SHCBP1: variants seen among roughly 807,000 people sequenced by gnomAD.
SHCBP1 encodes the protein SHC binding and spindle associated 1, also known as SHC SH2 domain-binding protein 1.
Under a neutral mutation model 75.1 loss-of-function variants are expected in SHCBP1, and 60 were observed. The ratio of observed to expected loss-of-function variants is 0.80; its 90% CI spans 0.65 to 0.99. The LOEUF is 0.99. SHCBP1 is among the 50% of genes least tolerant of loss of function. SHCBP1 has a pLI of 0.00. For synonymous variants in SHCBP1, 290 were observed against 293.2 expected (o/e 0.99, Z 0.11); for missense variants, 709 against 809.4 (o/e 0.88, Z 1.50).
intron 10 of SHCBP1, among the ~76,000 whole-genome samples, chr16:46,587,170 A>AAGG (rs1411252887): frequency 2.6e-5 from 4 of 152,182 alleles, no homozygotes; most frequent in African/African-American, 4.8e-5. Context: ...CAATTATAAA[A>AAGG]AGGAGATGGT....
At chr16:46,597,068 G>C (rs1965156019) in intron 9 of SHCBP1, among the ~76,000 whole-genome samples, 1 of 152,134 alleles carries the variant, frequency 6.6e-6, no homozygotes, top group Non-Finnish European at 1.5e-5. Context: ...ATACTCCAGA[G>C]ATATTGCAGG....
At chr16:46,615,361 C>A (rs1366851823) in intron 4 of SHCBP1, among the ~76,000 whole-genome samples, 1 of 152,034 alleles carries the variant, frequency 6.6e-6, no homozygotes, top group Non-Finnish European at 1.5e-5. Flanking sequence ...AGATAGGCAC[C>A]CCTAACCCCC....
In SHCBP1 at chr16:46,584,080, T is replaced by C. The variant is rs765522953; in HGVS notation, c.1474A>G (p.Ile492Val). ...CACTGACTCCCAGGGTAGATTTCTA[T>C]ACCAGCACCCTGTGAGTCACAGTTT... ...SDLYGAKGAG[I>V]EIYPGSQCTL... The change falls in exon 11 of 13, where the codon ATA becomes GTA. Residue 492 changes from isoleucine (I) to valine (V), a missense_variant. Coordinates refer to ENST00000303383, the MANE Select transcript of SHCBP1 (RefSeq NM_024745.5). 12 of 1,596,902 alleles carry C rather than the reference T, an allele frequency of 7.5e-6. No homozygotes were observed. In the South Asian group the frequency reaches 1.1e-4, roughly 15 times the overall value.
At chr16:46,621,122 C>T in intron 1 of SHCBP1, 135 bp downstream of exon 1, 1 of 737,936 alleles carries the variant, frequency 1.4e-6, no homozygotes, top group Non-Finnish European at 2.1e-6. Flanking sequence ...CACTGGGTCC[C>T]GGCCGCGCAC....
chr16:46,592,159 T>G (rs1171136722), intron 10 of SHCBP1, among the ~76,000 whole-genome samples: 1 of 151,162 alleles, frequency 6.6e-6, no homozygotes, highest in African/African-American at 2.4e-5. Context: ...TAAGTGAAAT[T>G]GAAAACAGAA....
In SHCBP1 at chr16:46,580,143, AT is replaced by A. The variant is rs558338612; in HGVS notation, c.*1585del. Among the ~76,000 whole-genome samples the A allele has an allele frequency of 4.7e-5, 7 of 149,932 alleles. No individual in the cohort carries two copies. Among genetic ancestry groups the A allele is most frequent in the South Asian group, 2.1e-4 (1 of 4,720 alleles). ...CCATCTCAAAAAAAAAAAAAAAGTG[AT>A]TTTTTTTTAAGTTGAATAAATGGTT... On this transcript the variant is annotated 3_prime_UTR_variant, in exon 13 of 13. Transcript: ENST00000303383.
intron 8 of SHCBP1, among the ~76,000 whole-genome samples, chr16:46,602,158 C>G (rs768269601): frequency 6.6e-6 from 1 of 152,166 alleles, no homozygotes; most frequent in Non-Finnish European, 1.5e-5. Flanking sequence ...AGGAAGAACT[C>G]TTATCTACCA....
chr16:46,608,373 T>C lies in SHCBP1; in HGVS notation c.613A>G (p.Ile205Val), dbSNP rs1438905489. Reference protein sequence around the residue: ...IEHVRFFYQNIWRSWDEEEED... With the variant: ...IEHVRFFYQNVWRSWDEEEED... Reference sequence around the variant, plus strand: ...TCTTCTTCATCCCAACTCCTCCAAATGTTTTGGTAGAAAAATCTGAAATGG... The same window carrying C: ...TCTTCTTCATCCCAACTCCTCCAAACGTTTTGGTAGAAAAATCTGAAATGG... Residue 205 changes from isoleucine (I) to valine (V), a missense_variant, in exon 5 of 13, where the codon ATT becomes GTT. Transcript: ENST00000303383. The C allele has an allele frequency of 6.2e-7, 1 of 1,613,338 alleles. No homozygotes were observed. The highest frequency in any genetic ancestry group is 8.5e-7 in the Non-Finnish European group (1 of 1,179,454).
chr16:46,608,246 TG>T, intron 5 of SHCBP1, 50 bp downstream of exon 5: 1 of 1,306,716 alleles, frequency 7.7e-7, no homozygotes, highest in Non-Finnish European at 1.1e-6. Context: ...AATTAAACCA[TG>T]GGTAACTATT....
intron 7 of SHCBP1, 56 bp downstream of exon 7, chr16:46,603,919 C>G: frequency 1.3e-6 from 2 of 1,553,144 alleles, no homozygotes; most frequent in South Asian, 1.2e-5. Context: ...TTTGTGAAAA[C>G]CTGTGGTGAA....
chr16:46,595,986 AG>A (rs1442081633), intron 9 of SHCBP1, among the ~76,000 whole-genome samples: 1 of 152,208 alleles, frequency 6.6e-6, no homozygotes, highest in Non-Finnish European at 1.5e-5. Flanking sequence ...GATTCAAGAA[AG>A]GGGATACAAA....
intron 10 of SHCBP1, among the ~76,000 whole-genome samples, chr16:46,584,720 C>G (rs1396556686): frequency 6.6e-6 from 1 of 152,034 alleles, no homozygotes; most frequent in Non-Finnish European, 1.5e-5. Context: ...CCTTATGGCA[C>G]CAAAAAACAT....
Position 46,604,431 on chromosome 16 carries a change from T to C in SHCBP1, c.720A>G (p.Pro240=), listed in dbSNP as rs1349238129. The C allele has an allele frequency of 1.9e-6, 3 of 1,612,896 alleles. No homozygotes were observed. The highest frequency in any genetic ancestry group is 1.7e-5 in the Admixed American group (1 of 59,974). ...LHYDILEDRV[P]SGLIVDYHNL... ...TGTGGTAGTCAACAATAAGTCCTGA[T>C]GGAACTCGGTCTTCAAGAATGTCAT... The change falls in exon 6 of 13, where the codon CCA becomes CCG. Residue 240 remains proline (P), a synonymous_variant. Coordinates refer to ENST00000303383, the MANE Select transcript of SHCBP1 (RefSeq NM_024745.5).
intron 1 of SHCBP1, among the ~76,000 whole-genome samples, chr16:46,619,121 C>G (rs1281866906): frequency 6.6e-6 from 1 of 152,090 alleles, no homozygotes; most frequent in Non-Finnish European, 1.5e-5. Context: ...ATGACTGTGT[C>G]TAAGGAAAAG....
intron 12 of SHCBP1, among the ~76,000 whole-genome samples, chr16:46,582,615 A>G (rs1283119489): frequency 1.3e-5 from 2 of 152,236 alleles, no homozygotes; most frequent in African/African-American, 4.8e-5. Context: ...CCCAGCAAAC[A>G]GCCAGCAGCC....
chr16:46,579,669 T>A lies in SHCBP1; in HGVS notation c.*2060A>T, dbSNP rs1175676530. Among the ~76,000 whole-genome samples the A allele has an allele frequency of 6.6e-6, 1 of 152,042 alleles. No homozygotes were observed. Among genetic ancestry groups the A allele is most frequent in the Non-Finnish European group, 1.5e-5 (1 of 67,986 alleles). ...ACAAAAAAAAGGCCAGGCACGTGGCTCATGCCTGTAATCCCAGCACTTTGG... is the reference window on the plus strand; with the variant it reads ...ACAAAAAAAAGGCCAGGCACGTGGCACATGCCTGTAATCCCAGCACTTTGG... On this transcript the variant is annotated 3_prime_UTR_variant, in exon 13 of 13. Coordinates refer to ENST00000303383, the MANE Select transcript of SHCBP1 (RefSeq NM_024745.5).
chr16:46,609,750 T>G (rs946608422), intron 4 of SHCBP1, among the ~76,000 whole-genome samples: 5 of 151,998 alleles, frequency 3.3e-5, no homozygotes, highest in Admixed American at 6.5e-5. Flanking sequence ...CCGTGCCCAG[T>G]TGTATCCATA....
chr16:46,594,766 CTG>C (rs1273498073), intron 10 of SHCBP1, among the ~76,000 whole-genome samples: 1 of 151,876 alleles, frequency 6.6e-6, no homozygotes, highest in African/African-American at 2.4e-5. Flanking sequence ...AAAATGAAAA[CTG>C]TGTTCACACA....
chr16:46,591,914 G>A (rs971591906), intron 10 of SHCBP1, among the ~76,000 whole-genome samples: 7 of 151,800 alleles, frequency 4.6e-5, no homozygotes, highest in South Asian at 2.1e-4. Flanking sequence ...ACAAACCAAC[G>A]AATAAAAATA....
Sources: allele counts gnomAD v4.1 joint callset (sites outside exome capture counted in the v4.1 genomes callset), GRCh38; gene constraint gnomAD v4.1.1; transcripts MANE v1.5; gene names NCBI Gene and HGNC (gene_info 2026-07-23, HGNC 2026-07-21).